The following CDKAL1 variants were observed in gnomAD, a reference collection of about 807,000 sequenced individuals.
The protein encoded by CDKAL1 is CDKAL1 threonylcarbamoyladenosine tRNA methylthiotransferase.
Under a neutral mutation model 68.2 loss-of-function variants are expected in CDKAL1, and 32 were observed. The observed-to-expected ratio is 0.47, with a 90% CI of 0.35 to 0.63. CDKAL1 has a LOEUF of 0.63. Among genes scored for constraint, CDKAL1 ranks in the 30% least tolerant of loss-of-function variants. The pLI, the probability that CDKAL1 is intolerant of heterozygous loss-of-function variation, is 0.00. For synonymous variants in CDKAL1, 234 were observed against 244.3 expected, an observed-to-expected ratio of 0.96 and a Z score of 0.39; for missense variants, 606 against 696.7, an observed-to-expected ratio of 0.87 and a Z score of 1.47.
intron 9 of CDKAL1, among the ~76,000 whole-genome samples, chr6:20,857,731 A>C (rs1759409219): frequency 6.6e-6 from 1 of 152,218 alleles, no homozygotes; most frequent in Admixed American, 6.5e-5. Flanking sequence ...TGATCAAAGT[A>C]GTAAAGAGGA....
intron 11 of CDKAL1, among the ~76,000 whole-genome samples, chr6:21,012,514 C>T (rs1470735392): frequency 6.6e-6 from 1 of 152,074 alleles, no homozygotes; most frequent in East Asian, 1.9e-4. Flanking sequence ...AGCTAAAAAG[C>T]AACCTAACAT....
At chr6:20,857,122 T>C (rs1759374818) in intron 9 of CDKAL1, among the ~76,000 whole-genome samples, 1 of 152,240 alleles carries the variant, frequency 6.6e-6, no homozygotes, top group Admixed American at 6.5e-5. Flanking sequence ...GTATTTCTTT[T>C]TATTTGTTGT....
intron 4 of CDKAL1, chr6:20,558,559 A>C (rs1416402806): frequency 3.5e-5 from 16 of 456,606 alleles, no homozygotes; most frequent in South Asian, 2.5e-4. Flanking sequence ...AAATTTGGGA[A>C]TCCTATACTT....
chr6:21,205,700 G>A (rs6932752), intron 15 of CDKAL1, among the ~76,000 whole-genome samples: 25 of 146,136 alleles, frequency 1.7e-4, no homozygotes, highest in Admixed American at 4.8e-4. Context: ...CCAGCTAATT[G>A]TTTTGTATTT....
intron 10 of CDKAL1, among the ~76,000 whole-genome samples, chr6:20,992,304 C>T (rs911176714): frequency 1.3e-5 from 2 of 151,812 alleles, no homozygotes; most frequent in Non-Finnish European, 2.9e-5. Flanking sequence ...CTCCTGACCT[C>T]AAGTGATGTG....
chr6:20,798,802 T>C (rs1246760208), intron 8 of CDKAL1, among the ~76,000 whole-genome samples: 1 of 149,040 alleles, frequency 6.7e-6, no homozygotes, highest in Non-Finnish European at 1.5e-5. Context: ...TTAGGAGATA[T>C]ATCTAACGTA....
chr6:20,585,504 G>A (rs773415455), intron 4 of CDKAL1, among the ~76,000 whole-genome samples: 46 of 152,030 alleles, frequency 3.0e-4, no homozygotes, highest in Non-Finnish European at 6.2e-4. Flanking sequence ...TTCACTCTAC[G>A]GAGGCCCTTT....
intron 9 of CDKAL1, among the ~76,000 whole-genome samples, chr6:20,848,793 C>CTTTT (rs773701322): frequency 5.7e-5 from 8 of 139,278 alleles, no homozygotes; most frequent in Non-Finnish European, 6.3e-5. Context: ...TTCTTTCTTT[C>CTTTT]TTTTTTTTTT....
At chr6:20,988,046 A>G (rs1766572425) in intron 10 of CDKAL1, among the ~76,000 whole-genome samples, 1 of 151,922 alleles carries the variant, frequency 6.6e-6, no homozygotes, top group South Asian at 2.1e-4. Context: ...TGGCCTCCCA[A>G]AGTATTGAGA....
chr6:20,965,517 C>G (rs1310346684), intron 10 of CDKAL1, among the ~76,000 whole-genome samples: 4 of 152,132 alleles, frequency 2.6e-5, no homozygotes, highest in Admixed American at 2.6e-4. Context: ...AGGAAAAATA[C>G]TCTTTTAAAG....
At chr6:21,125,057 A>G (rs945123470) in intron 13 of CDKAL1, among the ~76,000 whole-genome samples, 6 of 151,882 alleles carry the variant, frequency 4.0e-5, no homozygotes, top group Non-Finnish European at 5.9e-5. Flanking sequence ...CATCTGTTTC[A>G]TCTTTCCCAA....
At chr6:20,546,596 C>G in intron 3 of CDKAL1, 73 bp downstream of exon 3, 1 of 1,270,852 alleles carries the variant, frequency 7.9e-7, no homozygotes, top group Non-Finnish European at 1.1e-6. Flanking sequence ...CTCTGTCGCC[C>G]AGGCTGGAGT....
chr6:21,116,056 T>G (rs1774393441), intron 13 of CDKAL1, among the ~76,000 whole-genome samples: 2 of 152,214 alleles, frequency 1.3e-5, no homozygotes. Context: ...GAGTAGCAGA[T>G]TATGTTTAAC....
chr6:21,179,017 A>G (rs1037015088), intron 13 of CDKAL1, among the ~76,000 whole-genome samples: 14 of 152,242 alleles, frequency 9.2e-5, no homozygotes, highest in Admixed American at 9.2e-4. Context: ...GGTTAGTTTG[A>G]GAAGTTGAGA....
intron 13 of CDKAL1, among the ~76,000 whole-genome samples, chr6:21,178,730 G>A (rs780215377): frequency 3.3e-5 from 5 of 152,110 alleles, no homozygotes; most frequent in African/African-American, 9.7e-5. Flanking sequence ...ACCTACATTC[G>A]TATAGCAATT....
chr6:20,987,726 G>A (rs1032483279), intron 10 of CDKAL1, among the ~76,000 whole-genome samples: 3 of 152,094 alleles, frequency 2.0e-5, no homozygotes, highest in Non-Finnish European at 2.9e-5. Flanking sequence ...GCTATGACAA[G>A]ATTGGGTTCT....
intron 9 of CDKAL1, among the ~76,000 whole-genome samples, chr6:20,905,739 T>A (rs1684545762): frequency 6.6e-6 from 1 of 151,896 alleles, no homozygotes; most frequent in Admixed American, 6.6e-5. Flanking sequence ...TCTCCACAGA[T>A]CTCTCCTCAG....
At chr6:21,142,017 G>A (rs968448047) in intron 13 of CDKAL1, among the ~76,000 whole-genome samples, 4 of 151,824 alleles carry the variant, frequency 2.6e-5, no homozygotes, top group African/African-American at 9.7e-5. Flanking sequence ...TTGGTTCCTG[G>A]TGGATCCAAA....
chr6:21,168,698 T>G (rs1165133696), intron 13 of CDKAL1, among the ~76,000 whole-genome samples: 2 of 152,234 alleles, frequency 1.3e-5, no homozygotes, highest in Non-Finnish European at 2.9e-5. Context: ...CAATTTGTAA[T>G]GTACTGTCAT....
Sources: gnomAD v4.1 joint callset for allele counts (sites outside exome capture counted in the v4.1 genomes callset) on GRCh38, gnomAD v4.1.1 for gene constraint, MANE v1.5 for transcripts, NCBI Gene and HGNC (gene_info 2026-07-23, HGNC 2026-07-21) for gene names.